The following RIC3 variants were observed in gnomAD, a reference collection of about 807,000 sequenced individuals.
RIC3 encodes the protein RIC3 acetylcholine receptor chaperone, also known as protein RIC-3.
A neutral mutation model predicts 27.3 loss-of-function variants in RIC3; 28 were observed. That is an observed-to-expected ratio of 1.02 (90% CI 0.76 to 1.41). The LOEUF is 1.41. RIC3 is among the 40% of genes most tolerant of loss of function. The pLI, the probability that RIC3 is intolerant of heterozygous loss-of-function variation, is 0.00. For synonymous variants in RIC3, 184 were observed against 160.4 expected, an observed-to-expected ratio of 1.15 and a Z score of -1.11; for missense variants, 501 against 444.7, an observed-to-expected ratio of 1.13 and a Z score of -1.14.
intron 4 of RIC3, among the ~76,000 whole-genome samples, chr11:8,135,069 G>A (rs1040276179): frequency 4.4e-4 from 66 of 151,380 alleles, no homozygotes; most frequent in African/African-American, 1.4e-3. Flanking sequence ...CCTTGTCCAC[G>A]CCTATGGTAT....
chr11:8,131,001 A>G (rs1027255880), intron 4 of RIC3, among the ~76,000 whole-genome samples: 1 of 152,244 alleles, frequency 6.6e-6, no homozygotes, highest in African/African-American at 2.4e-5. Context: ...GGATTAAAAC[A>G]AAAGAGATAA....
the RIC3 span, chr11:8,096,853 A>C: frequency 2.5e-6 from 4 of 1,599,136 alleles, no homozygotes; most frequent in Non-Finnish European, 3.4e-6. Flanking sequence ...AGGACTGCTC[A>C]TCCGTTAGAG....
intron 1 of RIC3, among the ~76,000 whole-genome samples, chr11:8,145,160 C>T (rs188012195): frequency 0.067 from 9,459 of 141,144 alleles, 352 homozygotes; most frequent in South Asian, 0.11. Flanking sequence ...TGCACATGTA[C>T]CCTAAAACTT....
the RIC3 span, chr11:8,098,744 T>C: frequency 6.3e-7 from 1 of 1,594,368 alleles, no homozygotes; most frequent in Non-Finnish European, 8.6e-7. Flanking sequence ...ATACTGATTG[T>C]GCCTTTATTT....
chr11:8,144,276 C>G (rs1178197304), intron 1 of RIC3, among the ~76,000 whole-genome samples: 2 of 150,658 alleles, frequency 1.3e-5, no homozygotes, highest in African/African-American at 2.5e-5. Flanking sequence ...TCGCAACCTA[C>G]TCATCTGACA....
downstream of RIC3, chr11:8,101,590 A>C: frequency 6.2e-7 from 1 of 1,614,204 alleles, no homozygotes; most frequent in Non-Finnish European, 8.5e-7. Flanking sequence ...TGCCCTGTCC[A>C]GCTTCGACAG....
chr11:8,123,834 T>C (rs966437000), intron 5 of RIC3, among the ~76,000 whole-genome samples: 11 of 150,310 alleles, frequency 7.3e-5, no homozygotes, highest in Non-Finnish European at 1.5e-4. Context: ...AGAGCAGGAG[T>C]TCAAGACCAG....
chr11:8,157,050 T>C (rs1331650189), intron 1 of RIC3, among the ~76,000 whole-genome samples: 1 of 152,212 alleles, frequency 6.6e-6, no homozygotes, highest in African/African-American at 2.4e-5. Context: ...GCTGGCTTGG[T>C]ACTCACAGAT....
At chr11:8,093,368 G>C in the RIC3 span, among the ~76,000 whole-genome samples, 1 of 152,056 alleles carries the variant, frequency 6.6e-6, no homozygotes, top group African/African-American at 2.4e-5. Flanking sequence ...CCAGAGGTGG[G>C]GAGTATGTGT....
At chr11:8,153,113 A>T (rs868545290) in intron 1 of RIC3, among the ~76,000 whole-genome samples, 3 of 152,214 alleles carry the variant, frequency 2.0e-5, no homozygotes, top group Non-Finnish European at 4.4e-5. Context: ...AAAGTAAAAA[A>T]TACTATTTTC....
chr11:8,129,588 T>C (rs1042234995), intron 4 of RIC3, among the ~76,000 whole-genome samples: 4 of 152,126 alleles, frequency 2.6e-5, no homozygotes, highest in Non-Finnish European at 5.9e-5. Flanking sequence ...GATTCTAAGA[T>C]GATAGAAAAA....
At chr11:8,124,071 A>G (rs1946747838) in intron 5 of RIC3, among the ~76,000 whole-genome samples, 1 of 150,750 alleles carries the variant, frequency 6.6e-6, no homozygotes, top group Admixed American at 6.6e-5. Context: ...CCTGAAAAAA[A>G]AAAGAAAGAA....
the RIC3 span, among the ~76,000 whole-genome samples, chr11:8,096,114 A>C: frequency 6.6e-6 from 1 of 152,200 alleles, no homozygotes. Flanking sequence ...TTCCTGTACA[A>C]AGGACTTTGA....
At chr11:8,153,693 G>A (rs1950432878) in intron 1 of RIC3, among the ~76,000 whole-genome samples, 1 of 152,058 alleles carries the variant, frequency 6.6e-6, no homozygotes, top group African/African-American at 2.4e-5. Context: ...TTTCCAAAAT[G>A]TGTACTTCTA....
the RIC3 span, among the ~76,000 whole-genome samples, chr11:8,099,985 G>A: frequency 6.6e-6 from 1 of 152,204 alleles, no homozygotes; most frequent in Non-Finnish European, 1.5e-5. Context: ...AGAGCCACTG[G>A]AGAGTTCTGA....
At chr11:8,163,018 A>AAAAC (rs533243067) in intron 1 of RIC3, among the ~76,000 whole-genome samples, 30 of 136,052 alleles carry the variant, frequency 2.2e-4, no homozygotes, top group African/African-American at 8.2e-4. Context: ...GGATTATTTA[A>AAAAC]ACACACACAC....
chr11:8,133,584 C>T (rs1434989550), intron 4 of RIC3, among the ~76,000 whole-genome samples: 1 of 152,196 alleles, frequency 6.6e-6, no homozygotes, highest in Non-Finnish European at 1.5e-5. Flanking sequence ...TGCCATGCTG[C>T]AGGCTTCAAT....
At chr11:8,100,222 G>A in the RIC3 span, among the ~76,000 whole-genome samples, 5 of 152,236 alleles carry the variant, frequency 3.3e-5, no homozygotes, top group African/African-American at 7.2e-5. Context: ...GACGTAGGAT[G>A]TAGAAGAGAG....
chr11:8,111,949 T>A lies in RIC3; in HGVS notation c.671-812A>T, dbSNP rs530431339. The stretch of plus-strand genomic sequence containing the variant: ...ACACCAGTACTGGCACCAGCGGCCG[T>A]AATCACGATACAGTGCAGAAAGCTG... On this transcript the variant is annotated intron_variant, in intron 5 of 5. Coordinates refer to ENST00000309737, the MANE Select transcript of RIC3 (RefSeq NM_001206671.4). 4.1e-4 allele frequency among the ~76,000 whole-genome samples: 62 copies of A among 152,366 alleles called. 1 individual carries two copies. The South Asian group carries it at 0.013, about 32-fold the overall frequency.
Sources: allele counts gnomAD v4.1 joint callset (sites outside exome capture counted in the v4.1 genomes callset), GRCh38; gene constraint gnomAD v4.1.1; transcripts MANE v1.5; gene names NCBI Gene and HGNC (gene_info 2026-07-23, HGNC 2026-07-21).